SOX6: variants seen among roughly 807,000 people sequenced by gnomAD.
The protein encoded by SOX6 is SRY-box transcription factor 6, also known as transcription factor SOX-6.
In SOX6, 11 loss-of-function variants were observed where a neutral mutation model predicts 97.8. The observed-to-expected ratio is 0.11, with a 90% CI of 0.07 to 0.19. The LOEUF is 0.19. SOX6 is among the 10% of genes least tolerant of loss of function. SOX6 has a pLI of 1.00. For synonymous variants in SOX6, 360 were observed against 371.4 expected, an observed-to-expected ratio of 0.97 and a Z score of 0.35; for missense variants, 810 against 1,039.5, an observed-to-expected ratio of 0.78 and a Z score of 3.04.
intron 4 of SOX6, among the ~76,000 whole-genome samples, chr11:16,190,777 T>C (rs1851610160): frequency 6.6e-6 from 1 of 152,126 alleles, no homozygotes; most frequent in Admixed American, 6.5e-5. Context: ...TGCAGATTAA[T>C]TTGTGTGTGT....
At chr11:16,602,420 A>C (rs963145144) in intron 4 of SOX6, among the ~76,000 whole-genome samples, 4 of 152,146 alleles carry the variant, frequency 2.6e-5, no homozygotes, top group Non-Finnish European at 4.4e-5. Flanking sequence ...TTGCTTTCAA[A>C]GTTTGAAACA....
chr11:16,162,079 C>G lies in SOX6; in HGVS notation c.777+21807G>C, dbSNP rs1850763861. On this transcript the variant is annotated intron_variant, in intron 6 of 15. Transcript: ENST00000683767. ...ATAATTGTTCCTTGCTTGGAAAAATCAAAACTTTAAGTTCAGGATGATGGA... is the reference window on the plus strand; with the variant it reads ...ATAATTGTTCCTTGCTTGGAAAAATGAAAACTTTAAGTTCAGGATGATGGA... 2.0e-5 allele frequency among the ~76,000 whole-genome samples: 3 copies of G among 152,170 alleles called. No individual in the cohort carries two copies. In the South Asian group the frequency reaches 6.2e-4, roughly 32 times the overall value.
intron 2 of SOX6, among the ~76,000 whole-genome samples, chr11:16,729,523 A>G (rs1848333104): frequency 1.3e-5 from 2 of 152,228 alleles, no homozygotes. Flanking sequence ...ACAGAGAAGC[A>G]AATGCTGAGA....
intron 4 of SOX6, among the ~76,000 whole-genome samples, chr11:16,199,558 A>T (rs551591078): frequency 2.0e-5 from 3 of 152,356 alleles, no homozygotes; most frequent in African/African-American, 7.2e-5. Flanking sequence ...TTTTAAAAAA[A>T]GTTAACTAGT....
chr11:16,704,909 T>C (rs1848120243), intron 3 of SOX6, among the ~76,000 whole-genome samples: 1 of 152,214 alleles, frequency 6.6e-6, no homozygotes, highest in South Asian at 2.1e-4. Context: ...GACAACTTTT[T>C]AAAACATTAT....
At chr11:16,230,621 A>G (rs555677146) in intron 4 of SOX6, among the ~76,000 whole-genome samples, 2 of 151,820 alleles carry the variant, frequency 1.3e-5, no homozygotes, top group Non-Finnish European at 3.0e-5. Flanking sequence ...TCAATAGTAT[A>G]AAGATGTCAG....
intron 3 of SOX6, among the ~76,000 whole-genome samples, chr11:16,308,924 A>G (rs1160465212): frequency 6.6e-6 from 1 of 152,212 alleles, no homozygotes; most frequent in Non-Finnish European, 1.5e-5. Flanking sequence ...GGGTCCATCA[A>G]AGGCTCTTGC....
intron 7 of SOX6, among the ~76,000 whole-genome samples, chr11:16,110,961 A>T (rs1359582813): frequency 6.6e-6 from 1 of 152,246 alleles, no homozygotes; most frequent in Non-Finnish European, 1.5e-5. Flanking sequence ...TATGTTAAAA[A>T]GAACTTGACA....
intron 1 of SOX6, among the ~76,000 whole-genome samples, chr11:16,429,102 A>G (rs1335440424): frequency 6.6e-6 from 1 of 152,214 alleles, no homozygotes; most frequent in Non-Finnish European, 1.5e-5. Flanking sequence ...CTTTAGAGAA[A>G]TGCAAATCTA....
At chr11:16,565,124 C>CA (rs1454583071) in intron 4 of SOX6, among the ~76,000 whole-genome samples, 3 of 152,052 alleles carry the variant, frequency 2.0e-5, no homozygotes, top group Admixed American at 6.6e-5. Flanking sequence ...TAGGGGATAT[C>CA]ATTACAGACC....
intron 13 of SOX6, among the ~76,000 whole-genome samples, chr11:16,003,075 G>C (rs1854449910): frequency 6.6e-6 from 1 of 151,966 alleles, no homozygotes; most frequent in Non-Finnish European, 1.5e-5. Flanking sequence ...TTCAGACTAG[G>C]CCACTGCTAT....
At chr11:15,974,213 C>T (rs1853396389) in intron 15 of SOX6, among the ~76,000 whole-genome samples, 1 of 152,044 alleles carries the variant, frequency 6.6e-6, no homozygotes, top group African/African-American at 2.4e-5. Context: ...ACTTTTTGTA[C>T]TCATGACTTC....
chr11:16,726,029 T>A (rs1224083757), intron 2 of SOX6, among the ~76,000 whole-genome samples: 1 of 152,224 alleles, frequency 6.6e-6, no homozygotes, highest in Non-Finnish European at 1.5e-5. Context: ...AATTTAAACC[T>A]TAGCTGGGAA....
chr11:16,229,801 T>G (rs1450120018), intron 4 of SOX6, among the ~76,000 whole-genome samples: 1 of 151,882 alleles, frequency 6.6e-6, no homozygotes, highest in African/African-American at 2.4e-5. Flanking sequence ...AGATGTTTTA[T>G]GAGAATATTT....
intron 1 of SOX6, among the ~76,000 whole-genome samples, chr11:16,461,370 A>G (rs762998434): frequency 6.6e-6 from 1 of 152,126 alleles, no homozygotes; most frequent in Non-Finnish European, 1.5e-5. Context: ...TAATTTTTCA[A>G]AAGCGAAGCT....
At chr11:16,419,786 A>G (rs1227335020) in intron 1 of SOX6, among the ~76,000 whole-genome samples, 1 of 152,084 alleles carries the variant, frequency 6.6e-6, no homozygotes, top group Non-Finnish European at 1.5e-5. Context: ...CATACTTACT[A>G]TTAGCACCAT....
intron 9 of SOX6, among the ~76,000 whole-genome samples, chr11:16,058,298 T>C (rs1847867463): frequency 6.6e-6 from 1 of 152,000 alleles, no homozygotes; most frequent in Non-Finnish European, 1.5e-5. Context: ...CTCTATTCTG[T>C]TTGACAATAT....
At chr11:16,473,610 G>A (rs186181691) in intron 1 of SOX6, among the ~76,000 whole-genome samples, 36 of 150,094 alleles carry the variant, frequency 2.4e-4, no homozygotes, top group Admixed American at 2.1e-3. Context: ...GGAGTGCAGT[G>A]GCATGATCTT....
chr11:16,717,250 T>C (rs1239042337), intron 2 of SOX6, among the ~76,000 whole-genome samples: 2 of 152,162 alleles, frequency 1.3e-5, no homozygotes, highest in African/African-American at 2.4e-5. Flanking sequence ...AAACTTAGAA[T>C]AAACTAGTTT....
Sources: allele counts gnomAD v4.1 joint callset (sites outside exome capture counted in the v4.1 genomes callset), GRCh38; gene constraint gnomAD v4.1.1; transcripts MANE v1.5; gene names NCBI Gene and HGNC (gene_info 2026-07-23, HGNC 2026-07-21).